Variants in KLF12 observed in about 807,000 individuals in gnomAD.
KLF12 encodes the protein KLF transcription factor 12, also known as Krueppel-like factor 12.
KLF12 carries 9 observed loss-of-function variants against 37.8 expected under a neutral mutation model. That is an observed-to-expected ratio of 0.24 (90% confidence interval 0.14 to 0.42). The LOEUF (loss-of-function observed/expected upper bound fraction) is 0.42, where lower values mean the gene tolerates loss of function less well. Ranked by LOEUF, KLF12 falls within the 10% of genes least tolerant of loss-of-function variation. The pLI is 1.00. For missense variants in KLF12, 411 were observed against 516.0 expected (o/e 0.80, Z 1.97); for synonymous variants, 208 against 202.1 (o/e 1.03, Z -0.25).
intron 2 of KLF12, among the ~76,000 whole-genome samples, chr13:73,985,169 T>A (rs1307340153): frequency 1.3e-5 from 2 of 152,210 alleles, no homozygotes; most frequent in East Asian, 3.8e-4. Flanking sequence ...ATTGCAGTCA[T>A]CCGCCTTTGA....
chr13:74,123,249 T>A (rs1046293996), intron 1 of KLF12, among the ~76,000 whole-genome samples: 1 of 152,100 alleles, frequency 6.6e-6, no homozygotes, highest in Non-Finnish European at 1.5e-5. Context: ...ATTAAAAAAA[T>A]GTGCAAAAAG....
chr13:73,854,993 T>C lies in KLF12; in HGVS notation c.124-8620A>G, dbSNP rs1422732137. Among the ~76,000 whole-genome samples, 3 of 152,344 alleles carry C rather than the reference T, an allele frequency of 2.0e-5. No homozygotes were observed. In the East Asian group the frequency reaches 5.8e-4, roughly 29 times the overall value. ...AAGTGGAGAGAAATCTCTCTTTTCCTACCTCTCCTGGAAACAGAGGCAGCT... is the reference window on the plus strand; with the variant it reads ...AAGTGGAGAGAAATCTCTCTTTTCCCACCTCTCCTGGAAACAGAGGCAGCT... On this transcript the variant is annotated intron_variant, in intron 3 of 7. Transcript: ENST00000377669.
chr13:74,076,153 T>C (rs1428843124), intron 1 of KLF12, among the ~76,000 whole-genome samples: 5 of 152,198 alleles, frequency 3.3e-5, no homozygotes, highest in Admixed American at 1.3e-4. Flanking sequence ...GGTACATAAA[T>C]TATACCTTGA....
At position 73,805,622 on chromosome 13, in the gene KLF12, G is replaced by GAGGGAGGGAGGAAGGAAGGA. The variant is rs1566380071; in HGVS notation, c.806+7529_806+7530insTCCTTCCTTCCTCCCTCCCT. 7.4e-3 allele frequency among the ~76,000 whole-genome samples: 299 copies of GAGGGAGGGAGGAAGGAAGGA among 40,312 alleles called. 42 individuals carry two copies. The highest frequency in any genetic ancestry group is 0.045 in the East Asian group (50 of 1,114). 26.4% of individuals were successfully genotyped at this position (40,312 alleles called of 152,430 possible). On this transcript the variant is annotated intron_variant, in intron 5 of 7. Coordinates refer to ENST00000377669, the MANE Select transcript of KLF12 (RefSeq NM_007249.5). ...CACTGTCAGAAGGAAGGGAGGGAGG[G>GAGGGAGGGAGGAAGGAAGGA]AGGGAGGGAGGGAGGGAGGGAGGGA...
At chr13:73,706,658 T>A (rs1174881445) in intron 7 of KLF12, among the ~76,000 whole-genome samples, 3 of 152,260 alleles carry the variant, frequency 2.0e-5, no homozygotes, top group Non-Finnish European at 4.4e-5. Flanking sequence ...TGATGCTTGC[T>A]GCATCCCCCC....
intron 3 of KLF12, among the ~76,000 whole-genome samples, chr13:73,900,460 A>AT (rs993992873): frequency 1.3e-4 from 20 of 152,254 alleles, no homozygotes; most frequent in African/African-American, 3.9e-4. Context: ...CTTTTAATAC[A>AT]TTTTTTCAGT....
chr13:74,209,461 T>C, the KLF12 span, among the ~76,000 whole-genome samples: 1 of 151,742 alleles, frequency 6.6e-6, no homozygotes, highest in African/African-American at 2.4e-5. Flanking sequence ...AAATGTTCAA[T>C]AAATTTCCTA....
intron 2 of KLF12, among the ~76,000 whole-genome samples, chr13:73,975,709 T>C (rs1390525093): frequency 6.6e-6 from 1 of 152,218 alleles, no homozygotes; most frequent in African/African-American, 2.4e-5. Context: ...CTGAGCACTT[T>C]ACTCTCAAAT....
chr13:74,292,143 G>A, the KLF12 span, among the ~76,000 whole-genome samples: 1 of 152,142 alleles, frequency 6.6e-6, no homozygotes, highest in Non-Finnish European at 1.5e-5. Flanking sequence ...CACTGTACTT[G>A]AACTTCCTGG....
chr13:74,146,301 A>G, the KLF12 span, among the ~76,000 whole-genome samples: 1 of 152,212 alleles, frequency 6.6e-6, no homozygotes, highest in Non-Finnish European at 1.5e-5. Context: ...TCACTAAGTC[A>G]GTTAACCCTT....
intron 6 of KLF12, among the ~76,000 whole-genome samples, chr13:73,730,494 C>G (rs1163909863): frequency 1.3e-5 from 2 of 151,938 alleles, no homozygotes; most frequent in African/African-American, 4.8e-5. Context: ...GAATCTGGTG[C>G]CAGCTACTAA....
chr13:73,907,012 TG>T (rs1243930341), intron 3 of KLF12, among the ~76,000 whole-genome samples: 1 of 152,222 alleles, frequency 6.6e-6, no homozygotes, highest in Non-Finnish European at 1.5e-5. Flanking sequence ...AGGGCTCATC[TG>T]TTCTATTTTG....
chr13:74,251,691 T>C, the KLF12 span, among the ~76,000 whole-genome samples: 1 of 152,110 alleles, frequency 6.6e-6, no homozygotes, highest in Non-Finnish European at 1.5e-5. Context: ...CGTTCAGAGA[T>C]AGGTTCCTGA....
chr13:73,919,410 C>T (rs1889008829), intron 3 of KLF12, among the ~76,000 whole-genome samples: 1 of 152,172 alleles, frequency 6.6e-6, no homozygotes. Context: ...CAGAGACAAC[C>T]TGGATTTTCT....
At chr13:74,191,183 G>A in the KLF12 span, among the ~76,000 whole-genome samples, 1 of 152,166 alleles carries the variant, frequency 6.6e-6, no homozygotes, top group Non-Finnish European at 1.5e-5. Flanking sequence ...GATTTTATGT[G>A]AAGCATGTGA....
intron 1 of KLF12, among the ~76,000 whole-genome samples, chr13:74,044,713 C>T (rs76546767): frequency 0.099 from 15,068 of 151,820 alleles, 825 homozygotes; most frequent in African/African-American, 0.12. Flanking sequence ...GATGTAGTGG[C>T]GGGCGCCTGT....
intron 6 of KLF12, among the ~76,000 whole-genome samples, chr13:73,752,809 C>T (rs1360303957): frequency 6.6e-6 from 1 of 151,286 alleles, no homozygotes; most frequent in African/African-American, 2.4e-5. Flanking sequence ...CTCTGCCTCC[C>T]GGGTTCAAGC....
intron 2 of KLF12, among the ~76,000 whole-genome samples, chr13:73,970,808 C>T (rs1891312695): frequency 6.6e-6 from 1 of 152,158 alleles, no homozygotes; most frequent in Non-Finnish European, 1.5e-5. Context: ...CCAAATAAAT[C>T]GTTTGTGTGT....
upstream of KLF12, among the ~76,000 whole-genome samples, chr13:74,136,654 T>A (rs1415235): frequency 0.96 from 146,734 of 152,094 alleles, 71,012 homozygotes; most frequent in Middle Eastern, 1. Context: ...TCCTATGGCA[T>A]AAGCCACGGG....
Sources: allele counts gnomAD v4.1 joint callset (sites outside exome capture counted in the v4.1 genomes callset), GRCh38; gene constraint gnomAD v4.1.1; transcripts MANE v1.5; gene names NCBI Gene and HGNC (gene_info 2026-07-23, HGNC 2026-07-21).